Variants in ULK2 observed in about 807,000 individuals in gnomAD.
ULK2 encodes serine/threonine-protein kinase ULK2.
ULK2 carries 76 observed loss-of-function variants against 127.5 expected under a neutral mutation model. The observed-to-expected ratio is 0.60, with a 90% CI of 0.50 to 0.72. ULK2 has a LOEUF of 0.72. ULK2 is among the 30% of genes least tolerant of loss of function. The pLI is 0.00. For missense variants in ULK2, 1,144 were observed against 1,295.9 expected, an observed-to-expected ratio of 0.88 and a Z score of 1.80; for synonymous variants, 452 against 461.9, an observed-to-expected ratio of 0.98 and a Z score of 0.28.
At chr17:19,797,301 A>C in intron 18 of ULK2, 95 bp downstream of exon 18, 1 of 1,355,342 alleles carries the variant, frequency 7.4e-7, no homozygotes, top group Middle Eastern at 2.7e-4. Context: ...TGTCTCAAAA[A>C]ATAAAATAAA....
intron 10 of ULK2, among the ~76,000 whole-genome samples, chr17:19,831,329 C>T (rs1383001532): frequency 2.6e-5 from 4 of 152,106 alleles, no homozygotes; most frequent in Non-Finnish European, 4.4e-5. Flanking sequence ...CCCGTCTCAT[C>T]TCATTCAAGA....
chr17:19,839,570 G>C (rs1349392320), intron 9 of ULK2, among the ~76,000 whole-genome samples: 1 of 150,886 alleles, frequency 6.6e-6, no homozygotes, highest in Non-Finnish European at 1.5e-5. Context: ...GCTGAGGCAG[G>C]AGAATGGCTT....
rs2041655194 is a variant in ULK2, at chr17:19,838,573, C to T, written c.715G>A (p.Glu239Lys). The T allele has an allele frequency of 6.2e-7, 1 of 1,612,650 alleles. No individual in the cohort carries two copies. Among genetic ancestry groups the T allele is most frequent in the Non-Finnish European group, 8.5e-7 (1 of 1,179,644 alleles). Reference sequence around the variant, plus strand: ...AGATTAGCCAAATAAGGTGATGTTTCTCTGGGAATACTGGGGGAAAGGAAA... The same window carrying T: ...AGATTAGCCAAATAAGGTGATGTTTTTCTGGGAATACTGGGGGAAAGGAAA... ...NRSLMPSIPR[E>K]TSPYLANLLL... The change falls in exon 10 of 27, where the codon GAA (glutamate) becomes AAA (lysine). Residue 239 changes from glutamate to lysine, a missense_variant. Physicochemically the swap from Glu to Lys is moderately conservative, Grantham distance 56. Around this residue, in one of 2 missense-constraint regions of ULK2, gnomAD observed 231 missense variants for 325.4 expected, o/e 0.71. Coordinates refer to ENST00000395544, the MANE Select transcript of ULK2 (RefSeq NM_014683.4).
At chr17:19,865,898 C>T (rs2042341737) in intron 1 of ULK2, 70 bp from the exon 2 acceptor site, 1 of 923,370 alleles carries the variant, frequency 1.1e-6, no homozygotes. Context: ...TTTACAAGCG[C>T]GAAGGTGTTT....
Position 19,785,987 on chromosome 17 carries a change from G to C in ULK2, c.2201C>G (p.Ala734Gly), listed in dbSNP as rs760247958. ...CATGTGGGTACAAGTGGGGGCTGCCGCACTGTGTGGAGGAGACCCTACAGT... is the reference window on the plus strand; with the variant it reads ...CATGTGGGTACAAGTGGGGGCTGCCCCACTGTGTGGAGGAGACCCTACAGT... ...LFTVGSPPHS[A>G]AAPTCTHMFL... Residue 734 changes from alanine (A) to glycine (G), a missense_variant, in exon 21 of 27, where the codon GCG becomes GGG. By Grantham distance (60) the Ala-to-Gly change is moderately conservative (BLOSUM62 0). Transcript: ENST00000395544. 3 of 1,595,654 alleles carry C rather than the reference G, an allele frequency of 1.9e-6. No individual in the cohort carries two copies. The highest frequency in any genetic ancestry group is 2.6e-6 in the Non-Finnish European group (3 of 1,172,940).
intron 13 of ULK2, among the ~76,000 whole-genome samples, chr17:19,812,808 C>T (rs2087672012): frequency 6.6e-6 from 1 of 152,172 alleles, no homozygotes; most frequent in African/African-American, 2.4e-5. Context: ...CTTAAATATA[C>T]ATAATACAAC....
chr17:19,859,874 A>T (rs541609786), intron 3 of ULK2, among the ~76,000 whole-genome samples: 197 of 152,238 alleles, frequency 1.3e-3, no homozygotes, highest in Non-Finnish European at 2.5e-3. Flanking sequence ...ACAGGGTCTC[A>T]CTATGTTGCA....
At chr17:19,847,903 C>T (rs281347) in intron 5 of ULK2, among the ~76,000 whole-genome samples, 15,878 of 152,112 alleles carry the variant, frequency 0.1, 1,504 homozygotes, top group East Asian at 0.36. Flanking sequence ...AACAGCTTGA[C>T]TTGAAGTCTA....
intron 3 of ULK2, among the ~76,000 whole-genome samples, chr17:19,853,630 GGC>G (rs2042064529): frequency 6.6e-6 from 1 of 151,042 alleles, no homozygotes; most frequent in Non-Finnish European, 1.5e-5. Flanking sequence ...GGAGTGCAGT[GGC>G]ACAATCTCAG....
intron 12 of ULK2, among the ~76,000 whole-genome samples, chr17:19,819,343 CTT>C (rs1453019338): frequency 1.3e-5 from 2 of 152,162 alleles, no homozygotes; most frequent in African/African-American, 4.8e-5. Flanking sequence ...CCTGCAATCT[CTT>C]GTTTTTCCTA....
In ULK2 at chr17:19,829,548, A is replaced by AAGGGGGGGGGGG. The variant is rs531835867; in HGVS notation, c.788-3363_788-3362insCCCCCCCCCCCT. On this transcript the variant is annotated intron_variant, in intron 10 of 26. Coordinates refer to ENST00000395544, the MANE Select transcript of ULK2 (RefSeq NM_014683.4). The stretch of plus-strand genomic sequence containing the variant: ...TGAGACCCTGTCAAGGAAAAAAAAA[A>AAGGGGGGGGGGG]GGGGGGGGGCTGGGCACGGTAGCTC... 2.4e-4 allele frequency among the ~76,000 whole-genome samples: 6 copies of AAGGGGGGGGGGG among 25,504 alleles called. 2 individuals are homozygous for AAGGGGGGGGGGG. The highest frequency in any genetic ancestry group is 3.5e-4 in the Non-Finnish European group (4 of 11,448). 16.7% of individuals were successfully genotyped at this position (25,504 alleles called of 152,430 possible). A position where few individuals can be genotyped will look rare whatever the true frequency, so the allele number is the denominator to read the frequency against.
At chr17:19,829,539 A>AG (rs1239749064) in intron 10 of ULK2, among the ~76,000 whole-genome samples, 4 of 48,394 alleles carry the variant, frequency 8.3e-5, no homozygotes, top group African/African-American at 2.8e-4. Context: ...CCTGTCAAGG[A>AG]AAAAAAAAAG....
intron 9 of ULK2, 94 bp downstream of exon 9, chr17:19,841,395 G>C: frequency 1.0e-5 from 13 of 1,262,256 alleles, no homozygotes; most frequent in Non-Finnish European, 1.4e-5. Context: ...AACTGAAAAA[G>C]AATTAAAAAA....
rs1185428784 is a variant in ULK2 at position 19,774,458 on chromosome 17, AAG to A, written c.*1889_*1890del. ...TGTCTTAAAAAAGAAATGGGAGAGG[AAG>A]AGGAGAGGATAGAATAAACCTACAA... On this transcript the variant is annotated 3_prime_UTR_variant, in exon 27 of 27. Transcript: ENST00000395544. 3.9e-5 allele frequency: 6 copies of A among 152,360 alleles called. No homozygotes were observed. In the East Asian group the frequency reaches 5.8e-4, roughly 15 times the overall value. 9.4% of individuals were successfully genotyped at this position (152,360 alleles called of 1,614,324 possible). A position where few individuals can be genotyped will look rare whatever the true frequency, so the allele number is the denominator to read the frequency against.
At chr17:19,838,679 G>A (rs978514785) in intron 9 of ULK2, 96 bp from the exon 10 acceptor site, 6 of 1,005,814 alleles carry the variant, frequency 6.0e-6, no homozygotes, top group South Asian at 2.9e-5. Context: ...ACGTGTATGC[G>A]GTTTCACAAA....
At position 19,810,366 on chromosome 17, in the gene ULK2, A is replaced by G; in HGVS notation, c.1157+12T>C. 1 of 1,564,536 alleles carries G rather than the reference A, an allele frequency of 6.4e-7. No homozygotes were observed. Among genetic ancestry groups the G allele is most frequent in the Non-Finnish European group, 8.7e-7 (1 of 1,144,802 alleles). Reference sequence around the variant, plus strand: ...AAAACAAATTTTAATAAGATAATGTAAATATACATACCCTCCACACACCAA... The same window carrying G: ...AAAACAAATTTTAATAAGATAATGTGAATATACATACCCTCCACACACCAA... On this transcript the variant is annotated intron_variant, in intron 14 of 26. Coordinates refer to ENST00000395544, the MANE Select transcript of ULK2 (RefSeq NM_014683.4).
intron 20 of ULK2, among the ~76,000 whole-genome samples, chr17:19,789,910 CAA>C (rs34932017): frequency 0.023 from 1,323 of 57,668 alleles, 20 homozygotes; most frequent in African/African-American, 0.058. Flanking sequence ...AAAAAGCTGC[CAA>C]AAAAAAAAAA....
intron 10 of ULK2, among the ~76,000 whole-genome samples, chr17:19,835,694 G>A (rs1275084230): frequency 2.7e-5 from 4 of 150,678 alleles, no homozygotes; most frequent in African/African-American, 9.8e-5. Context: ...TCCAGCCTGG[G>A]TGATAGAGCA....
intron 14 of ULK2, 85 bp downstream of exon 14, chr17:19,810,293 A>C: frequency 1.1e-6 from 1 of 874,016 alleles, no homozygotes; most frequent in South Asian, 1.9e-5. Context: ...AATAAATCTT[A>C]AATCAAGAAC....
Sources: gnomAD v4.1 joint callset for allele counts (sites outside exome capture counted in the v4.1 genomes callset) on GRCh38, gnomAD v4.1.1 for gene constraint, gnomAD v4.1.1 regional missense constraint, MANE v1.5 for transcripts, NCBI Gene and HGNC (gene_info 2026-07-23, HGNC 2026-07-21) for gene names.